The following TESK2 variants were observed in gnomAD, a reference collection of about 807,000 sequenced individuals.
The protein encoded by TESK2 is testis associated actin remodelling kinase 2.
A neutral mutation model predicts 57.1 loss-of-function variants in TESK2; 39 were observed. That is an observed-to-expected ratio of 0.68 (90% CI 0.53 to 0.89). TESK2 has a LOEUF of 0.89. Among genes scored for constraint, TESK2 ranks in the 40% least tolerant of loss-of-function variants. The pLI is 0.00. For missense variants in TESK2, 646 were observed against 732.1 expected, an observed-to-expected ratio of 0.88 and a Z score of 1.36; for synonymous variants, 249 against 267.9, an observed-to-expected ratio of 0.93 and a Z score of 0.69.
At chr1:45,348,074 C>A (rs1039362422) in intron 5 of TESK2, 74 bp from the exon 6 acceptor site, 19 of 998,928 alleles carry the variant, frequency 1.9e-5, no homozygotes, top group Non-Finnish European at 2.7e-5. Context: ...ACCACCCATT[C>A]CCCCCTTCCT....
intron 3 of TESK2, chr1:45,398,969 T>C (rs977398516): frequency 9.4e-5 from 38 of 403,380 alleles, no homozygotes; most frequent in African/African-American, 5.9e-4. Context: ...CCAACCTCCA[T>C]TGGACTAGGA....
At chr1:45,434,327 G>T (rs1651100350) in intron 2 of TESK2, among the ~76,000 whole-genome samples, 1 of 149,234 alleles carries the variant, frequency 6.7e-6, no homozygotes, top group Non-Finnish European at 1.5e-5. Context: ...ACAGGGTCCT[G>T]CTCTATTGCC....
In TESK2 at chr1:45,457,754, C is replaced by A; in HGVS notation, c.32G>T (p.Gly11Val). ...AAGACGCTCCACACGTGGAGGAAAT[C>A]CTGCAATTGAATTCCGTTTGCTCCG... MDRSKRNSIA[G>V]FPPRVERLEE... The change falls in exon 2 of 11, where the codon GGA (glycine) becomes GTA (valine). Residue 11 changes from glycine (G) to valine (V), a missense_variant. Transcript: ENST00000372086. The A allele has an allele frequency of 2.5e-6, 4 of 1,614,156 alleles. No individual in the cohort carries two copies. The highest frequency in any genetic ancestry group is 3.4e-6 in the Non-Finnish European group (4 of 1,180,004).
At chr1:45,475,202 G>T (rs1652934846) in intron 1 of TESK2, among the ~76,000 whole-genome samples, 1 of 134,484 alleles carries the variant, frequency 7.4e-6, no homozygotes, top group South Asian at 2.3e-4. Context: ...CCTTGTGTTA[G>T]CCTGGCCTTT....
intron 1 of TESK2, among the ~76,000 whole-genome samples, chr1:45,464,069 A>C (rs1247262438): frequency 6.6e-6 from 1 of 152,068 alleles, no homozygotes; most frequent in Non-Finnish European, 1.5e-5. Context: ...TTCTGTGAAG[A>C]GTGTCACTGG....
At chr1:45,353,196 C>A (rs919255519) in intron 5 of TESK2, among the ~76,000 whole-genome samples, 1 of 152,204 alleles carries the variant, frequency 6.6e-6, no homozygotes, top group African/African-American at 2.4e-5. Context: ...CCATGCCCGG[C>A]CTGCACTTTT....
At chr1:45,347,563 G>T in intron 7 of TESK2, 46 bp downstream of exon 7, 2 of 1,565,330 alleles carry the variant, frequency 1.3e-6, no homozygotes, top group South Asian at 1.1e-5. Context: ...TCAAAAAAAA[G>T]AAAAAGAAAA....
intron 4 of TESK2, among the ~76,000 whole-genome samples, chr1:45,368,519 G>A (rs1460849150): frequency 2.6e-5 from 4 of 151,610 alleles, no homozygotes; most frequent in East Asian, 3.9e-4. Context: ...GACTACAGGC[G>A]CCTGCCACCA....
At chr1:45,478,710 A>C (rs1042759282) in intron 1 of TESK2, among the ~76,000 whole-genome samples, 1 of 151,700 alleles carries the variant, frequency 6.6e-6, no homozygotes, top group South Asian at 2.1e-4. Context: ...AATGTTAACA[A>C]TGGTTTTTAA....
chr1:45,373,889 G>A (rs1648303006), intron 4 of TESK2, among the ~76,000 whole-genome samples: 1 of 152,190 alleles, frequency 6.6e-6, no homozygotes, highest in Non-Finnish European at 1.5e-5. Context: ...AGATTCCAAA[G>A]TTGGAACAGC....
chr1:45,463,071 T>A (rs1409929091), intron 1 of TESK2, among the ~76,000 whole-genome samples: 2 of 152,234 alleles, frequency 1.3e-5, no homozygotes, highest in Non-Finnish European at 2.9e-5. Context: ...GCCCATTTTT[T>A]AATCAGATTG....
intron 1 of TESK2, among the ~76,000 whole-genome samples, chr1:45,470,378 A>G (rs1185286545): frequency 6.6e-6 from 1 of 152,212 alleles, no homozygotes; most frequent in Non-Finnish European, 1.5e-5. Flanking sequence ...TTTCAGGATG[A>G]CTATCTAATT....
rs1650197931 is a variant in TESK2, at chr1:45,415,397, A to G, written c.344+6328T>C. 3 of 811,816 alleles carry G rather than the reference A, an allele frequency of 3.7e-6. No individual in the cohort carries two copies. In the East Asian group the frequency reaches 7.5e-5, roughly 20 times the overall value. 50.3% of individuals were successfully genotyped at this position (811,816 alleles called of 1,614,324 possible). On this transcript the variant is annotated intron_variant, in intron 3 of 10. Transcript: ENST00000372086. The stretch of plus-strand genomic sequence containing the variant: ...CACCAGACCATTCCTTCTGTGGCTC[A>G]GGAGAGCACTCCTCCACCCCATTTG...
At chr1:45,365,247 C>T (rs775801571) in intron 4 of TESK2, among the ~76,000 whole-genome samples, 3 of 152,158 alleles carry the variant, frequency 2.0e-5, no homozygotes, top group Non-Finnish European at 4.4e-5. Context: ...AGCGTACATC[C>T]GTATATCTGC....
intron 2 of TESK2, among the ~76,000 whole-genome samples, chr1:45,423,259 T>C (rs1421652777): frequency 6.6e-6 from 1 of 152,100 alleles, no homozygotes; most frequent in Non-Finnish European, 1.5e-5. Flanking sequence ...CTCCCCCAAG[T>C]ACCATAAAAA....
intron 3 of TESK2, among the ~76,000 whole-genome samples, chr1:45,409,367 A>T (rs1434665380): frequency 6.6e-6 from 1 of 152,236 alleles, no homozygotes; most frequent in East Asian, 1.9e-4. Context: ...CAGGGAAAAA[A>T]GCTTAATGTG....
chr1:45,378,995 C>G (rs765367736), intron 4 of TESK2, among the ~76,000 whole-genome samples: 2 of 152,132 alleles, frequency 1.3e-5, no homozygotes, highest in African/African-American at 2.4e-5. Context: ...GCCTTTGCTG[C>G]CAAAGTTAAC....
At chr1:45,373,687 G>A (rs1648293423) in intron 4 of TESK2, among the ~76,000 whole-genome samples, 1 of 152,174 alleles carries the variant, frequency 6.6e-6, no homozygotes, top group Non-Finnish European at 1.5e-5. Flanking sequence ...ACTGATCTAA[G>A]AATTTATTAT....
intron 4 of TESK2, among the ~76,000 whole-genome samples, chr1:45,367,243 C>A (rs1341130983): frequency 6.6e-6 from 1 of 152,056 alleles, no homozygotes; most frequent in Non-Finnish European, 1.5e-5. Flanking sequence ...TTGAGGAGAC[C>A]ATGTTGATTA....
Sources: gnomAD v4.1 joint callset for allele counts (sites outside exome capture counted in the v4.1 genomes callset) on GRCh38, gnomAD v4.1.1 for gene constraint, MANE v1.5 for transcripts, NCBI Gene and HGNC (gene_info 2026-07-23, HGNC 2026-07-21) for gene names.